ZBTB40: variants seen among roughly 807,000 people sequenced by gnomAD.
ZBTB40 encodes zinc finger and BTB domain containing 40.
A neutral mutation model predicts 117.5 loss-of-function variants in ZBTB40; 60 were observed. The observed-to-expected ratio is 0.51, with a 90% CI of 0.41 to 0.63. The LOEUF is 0.63. Among genes scored for constraint, ZBTB40 ranks in the 30% least tolerant of loss-of-function variants. The pLI is 0.00. For synonymous variants in ZBTB40, 525 were observed against 577.1 expected, an observed-to-expected ratio of 0.91 and a Z score of 1.29; for missense variants, 1,287 against 1,498.5, an observed-to-expected ratio of 0.86 and a Z score of 2.33.
intron 3 of ZBTB40, 25 bp from the exon 4 acceptor site, chr1:22,501,467 C>A: frequency 3.7e-6 from 6 of 1,613,704 alleles, no homozygotes; most frequent in Non-Finnish European, 5.1e-6. Flanking sequence ...GCTAATCTAT[C>A]TTTCTGGGTA....
chr1:22,502,457 G>A lies in ZBTB40; in HGVS notation c.1167+16G>A, dbSNP rs376310792. On this transcript the variant is annotated intron_variant, in intron 5 of 17. Transcript: ENST00000375647. ...TGAAAAAAGGGTAACTGTGTCAAGT[G>A]TCTCCTCCCTCCTCCTGAATTCATA... 1.2e-4 allele frequency: 192 copies of A among 1,613,814 alleles called. No individual in the cohort carries two copies. Among genetic ancestry groups the A allele is most frequent in the Non-Finnish European group, 1.4e-4 (169 of 1,179,890 alleles).
rs1639479507 is a variant in ZBTB40, at chr1:22,520,075, T to C, written c.2848T>C (p.Tyr950His). ...LHTFHNIEDP[Y>H]DCKKCRMSFP... ...CGTGAAACTAGACATAGAAGATCCTTATGACTGCAAGAAGTGCAGGATGAG... is the reference window on the plus strand; with the variant it reads ...CGTGAAACTAGACATAGAAGATCCTCATGACTGCAAGAAGTGCAGGATGAG... Residue 950 changes from tyrosine to histidine, a missense_variant, in exon 14 of 18, where the codon TAT becomes CAT. Coordinates refer to ENST00000375647, the MANE Select transcript of ZBTB40 (RefSeq NM_014870.4). The C allele has an allele frequency of 2.5e-6, 4 of 1,614,090 alleles. No individual in the cohort carries two copies. In the South Asian group the frequency reaches 4.4e-5, roughly 18 times the overall value.
At chr1:22,522,945 CTTTTTTTTTT>C (rs34232963) in intron 16 of ZBTB40, among the ~76,000 whole-genome samples, 1 of 93,910 alleles carries the variant, frequency 1.1e-5, no homozygotes, top group African/African-American at 3.9e-5. Flanking sequence ...TAAGATGTAC[CTTTTTTTTTT>C]TTTTTTTTTT....
At chr1:22,505,837 A>G (rs1402005794) in intron 5 of ZBTB40, among the ~76,000 whole-genome samples, 1 of 152,212 alleles carries the variant, frequency 6.6e-6, no homozygotes, top group Non-Finnish European at 1.5e-5. Context: ...AGAAAGAAAG[A>G]TTTTCACAGT....
intron 1 of ZBTB40, among the ~76,000 whole-genome samples, chr1:22,429,681 AT>A (rs1051529747): frequency 1.3e-5 from 2 of 151,808 alleles, no homozygotes; most frequent in African/African-American, 2.4e-5. Flanking sequence ...GGAAATCTAC[AT>A]TTTTTTTCCA....
intron 1 of ZBTB40, among the ~76,000 whole-genome samples, chr1:22,484,737 C>A (rs188787992): frequency 6.6e-6 from 1 of 152,172 alleles, no homozygotes; most frequent in Non-Finnish European, 1.5e-5. Context: ...AGCAGGAAGA[C>A]TTTGAGTTTC....
chr1:22,448,756 A>G (rs1640818770), upstream of ZBTB40, among the ~76,000 whole-genome samples: 1 of 152,160 alleles, frequency 6.6e-6, no homozygotes, highest in Non-Finnish European at 1.5e-5. Flanking sequence ...AGAGTGAGAT[A>G]AATGATTGCT....
At chr1:22,449,644 T>A (rs1640832148), upstream of ZBTB40, among the ~76,000 whole-genome samples, 1 of 152,204 alleles carries the variant, frequency 6.6e-6, no homozygotes, top group Non-Finnish European at 1.5e-5. Context: ...AGGGAAAGAT[T>A]CCTTTCCATA....
intron 1 of ZBTB40, among the ~76,000 whole-genome samples, chr1:22,470,425 A>G (rs918899104): frequency 1.3e-5 from 2 of 152,196 alleles, no homozygotes; most frequent in African/African-American, 4.8e-5. Flanking sequence ...GGAACAAGGA[A>G]TGAGTCTGCC....
chr1:22,513,243 C>T lies in ZBTB40; in HGVS notation c.2668+113C>T. Reference sequence around the variant, plus strand: ...AAAACAAAACAATTTGATAGCACAACAGGGTGACTAAAGTCAATAATAACT... The same window carrying T: ...AAAACAAAACAATTTGATAGCACAATAGGGTGACTAAAGTCAATAATAACT... On this transcript the variant is annotated intron_variant, in intron 12 of 17. Coordinates refer to ENST00000375647, the MANE Select transcript of ZBTB40 (RefSeq NM_014870.4). The surrounding 1 kb of genome is among the most constrained non-coding windows in gnomAD (Gnocchi z 4.9). 1 of 1,147,900 alleles carries T rather than the reference C, an allele frequency of 8.7e-7. No homozygotes were observed. Among genetic ancestry groups the T allele is most frequent in the Non-Finnish European group, 1.3e-6 (1 of 790,992 alleles). The allele number at this position is 1,147,900 out of a possible 1,614,324, so 71.1% of individuals were successfully genotyped here. A position where few individuals can be genotyped will look rare whatever the true frequency, so the allele number is the denominator to read the frequency against.
At chr1:22,460,741 A>T (rs1042157186) in intron 1 of ZBTB40, among the ~76,000 whole-genome samples, 2 of 152,204 alleles carry the variant, frequency 1.3e-5, no homozygotes, top group Non-Finnish European at 2.9e-5. Flanking sequence ...CTTATTAAAA[A>T]TTGTTTTTCA....
chr1:22,512,961 G>A lies in ZBTB40; in HGVS notation c.2499G>A (p.Glu833=), dbSNP rs765103055. ...ATAAGCTGACAGAGCACTTCGATGA[G>A]AAGCCTTTCTCCTGTGAAGAGTGTG... ...QYHKLTEHFD[E]KPFSCEECGA... The change falls in exon 12 of 18, where the codon GAG becomes GAA. Residue 833 remains glutamate, a synonymous_variant. Transcript: ENST00000375647. The A allele has an allele frequency of 6.2e-7, 1 of 1,614,232 alleles. No homozygotes were observed. The highest frequency in any genetic ancestry group is 8.5e-7 in the Non-Finnish European group (1 of 1,180,044).
In ZBTB40 at chr1:22,495,973, G is replaced by T. The variant is rs61769196; in HGVS notation, c.831+4440G>T. 5.1e-3 allele frequency among the ~76,000 whole-genome samples: 771 copies of T among 152,294 alleles called. 4 individuals are homozygous for T. The highest frequency in any genetic ancestry group is 0.011 in the South Asian group (53 of 4,822). On this transcript the variant is annotated intron_variant, in intron 3 of 17. Coordinates refer to ENST00000375647, the MANE Select transcript of ZBTB40 (RefSeq NM_014870.4). ...ACAAACAAATAAAGGCAAGGTAGGGGTTGGACAGGACGCTGGCACTGGCAT... is the reference window on the plus strand; with the variant it reads ...ACAAACAAATAAAGGCAAGGTAGGGTTTGGACAGGACGCTGGCACTGGCAT...
chr1:22,492,479 T>G (rs1638659546), intron 3 of ZBTB40, among the ~76,000 whole-genome samples: 1 of 152,236 alleles, frequency 6.6e-6, no homozygotes, highest in South Asian at 2.1e-4. Context: ...CCAGCCCTGC[T>G]TCCCCTTTCT....
chr1:22,445,120 A>G (rs1339082905), intron 1 of ZBTB40, among the ~76,000 whole-genome samples: 1 of 152,194 alleles, frequency 6.6e-6, no homozygotes, highest in Non-Finnish European at 1.5e-5. Flanking sequence ...TACTTGCCCA[A>G]CATTCCTGGT....
chr1:22,521,739 C>T, intron 15 of ZBTB40, 81 bp downstream of exon 15: 2 of 1,585,306 alleles, frequency 1.3e-6, no homozygotes, highest in Non-Finnish European at 1.7e-6. Context: ...ATCCCCACTT[C>T]TAATAGTCTA....
chr1:22,496,848 C>T (rs1638789440), intron 3 of ZBTB40, among the ~76,000 whole-genome samples: 1 of 152,232 alleles, frequency 6.6e-6, no homozygotes, highest in African/African-American at 2.4e-5. Flanking sequence ...GGCACACAGT[C>T]ACAAGGTAAA....
At position 22,513,042 on chromosome 1, in the gene ZBTB40, G is replaced by A. The variant is rs993420423; in HGVS notation, c.2580G>A (p.Gly860=). The change falls in exon 12 of 18, where the codon GGG becomes GGA. Residue 860 remains glycine (G), a synonymous_variant. Transcript: ENST00000375647. This position sits in a 1 kb window ranked among gnomAD's most constrained non-coding sequence, Gnocchi z 4.9. ...TLKNHLRLHT[G]DRPFMCKHCL... is the part of the protein sequence containing the mutation. ...AGAACCACCTTCGCCTTCACACCGG[G>A]GACCGCCCGTTCATGTGCAAGCACT... 1.9e-6 allele frequency: 3 copies of A among 1,614,120 alleles called. No homozygotes were observed. The African/African-American group carries it at 4.0e-5, about 22-fold the overall frequency.
Position 22,508,634 on chromosome 1 carries a change from A to G in ZBTB40, c.1602A>G (p.Gln534=). The G allele has an allele frequency of 6.2e-7, 1 of 1,614,186 alleles. No homozygotes were observed. The highest frequency in any genetic ancestry group is 8.5e-7 in the Non-Finnish European group (1 of 1,180,028). Reference sequence around the variant, plus strand: ...CTCTCTCTGCCACAGCCATTTGGCAACTGCTGCTGGTGGTTCAGGAGACAA... The same window carrying G: ...CTCTCTCTGCCACAGCCATTTGGCAGCTGCTGCTGGTGGTTCAGGAGACAA... ...KQTLSATAIW[Q]LLLVVQETKT... The change falls in exon 8 of 18, where the codon CAA becomes CAG. Residue 534 remains glutamine, a synonymous_variant. Coordinates refer to ENST00000375647, the MANE Select transcript of ZBTB40 (RefSeq NM_014870.4).
Sources: allele counts gnomAD v4.1 joint callset (sites outside exome capture counted in the v4.1 genomes callset), GRCh38; gene constraint gnomAD v4.1.1; non-coding constraint Gnocchi (gnomAD v3.1); transcripts MANE v1.5; gene names NCBI Gene and HGNC (gene_info 2026-07-23, HGNC 2026-07-21).